Variants in IMMP2L observed in about 807,000 individuals in gnomAD.
IMMP2L encodes the protein inner mitochondrial membrane peptidase subunit 2, also known as mitochondrial inner membrane protease subunit 2.
In IMMP2L, 18 loss-of-function variants were observed where a neutral mutation model predicts 19.3. The observed-to-expected ratio is 0.93, with a 90% CI of 0.64 to 1.38. The LOEUF is 1.38. IMMP2L is among the 40% of genes most tolerant of loss of function. The probability of loss-of-function intolerance (pLI) is 0.00; values close to 1 mark genes in which losing one functional copy is unlikely to be tolerated. For synonymous variants in IMMP2L, 76 were observed against 73.0 expected (o/e 1.04, Z -0.21); for missense variants, 233 against 218.2 (o/e 1.07, Z -0.43).
intron 3 of IMMP2L, among the ~76,000 whole-genome samples, chr7:111,405,557 T>C (rs903889612): frequency 1.3e-5 from 2 of 152,114 alleles, no homozygotes; most frequent in Non-Finnish European, 2.9e-5. Context: ...GATTAGAGTA[T>C]TATCTGTTTG....
intron 3 of IMMP2L, among the ~76,000 whole-genome samples, chr7:111,242,232 G>C (rs750823317): frequency 2.6e-5 from 4 of 152,028 alleles, no homozygotes; most frequent in Non-Finnish European, 5.9e-5. Flanking sequence ...TGATCAGTCA[G>C]TTCAGTCATA....
At chr7:110,919,120 G>A (rs1213014044) in intron 4 of IMMP2L, among the ~76,000 whole-genome samples, 2 of 152,038 alleles carry the variant, frequency 1.3e-5, no homozygotes, top group Non-Finnish European at 2.9e-5. Flanking sequence ...ACCAATTCAG[G>A]GCCGCCTGAG....
intron 3 of IMMP2L, among the ~76,000 whole-genome samples, chr7:111,261,628 G>A (rs2129802916): frequency 6.6e-6 from 1 of 152,144 alleles, no homozygotes; most frequent in South Asian, 2.1e-4. Flanking sequence ...AGCAGACAGA[G>A]GTACTGGTTT....
At chr7:110,921,744 T>A (rs951906845) in intron 4 of IMMP2L, among the ~76,000 whole-genome samples, 1 of 152,188 alleles carries the variant, frequency 6.6e-6, no homozygotes, top group Non-Finnish European at 1.5e-5. Context: ...TGTGCTTAAC[T>A]ACCCATGGCA....
At chr7:110,853,232 G>T (rs1806425541) in intron 5 of IMMP2L, among the ~76,000 whole-genome samples, 1 of 151,770 alleles carries the variant, frequency 6.6e-6, no homozygotes, top group Admixed American at 6.6e-5. Flanking sequence ...GGCCAAAATG[G>T]TTTGTTCTGG....
rs528781105 is a variant in IMMP2L, at chr7:110,694,127, C to T, written c.409-30406G>A. Among the ~76,000 whole-genome samples the T allele has an allele frequency of 1.4e-3, 207 of 152,208 alleles. 1 individual carries two copies. Among genetic ancestry groups the T allele is most frequent in the Middle Eastern group, 3.4e-3 (1 of 294 alleles). ...CTTCCTGTGAAATAGACTTGTGAAACTCTGGGATACATAAGGATTAAGTCT... is the reference window on the plus strand; with the variant it reads ...CTTCCTGTGAAATAGACTTGTGAAATTCTGGGATACATAAGGATTAAGTCT... On this transcript the variant is annotated intron_variant, in intron 5 of 5. Coordinates refer to ENST00000405709, the MANE Select transcript of IMMP2L (RefSeq NM_032549.4).
intron 5 of IMMP2L, among the ~76,000 whole-genome samples, chr7:110,785,662 C>G (rs1279281058): frequency 6.6e-6 from 1 of 151,866 alleles, no homozygotes; most frequent in Non-Finnish European, 1.5e-5. Context: ...CTTGCATCAC[C>G]AATGAGAGGA....
chr7:111,125,113 T>A, intron 3 of IMMP2L: 1 of 451,278 alleles, frequency 2.2e-6, no homozygotes, highest in Non-Finnish European at 4.0e-6. Context: ...AGGGGTACTG[T>A]GGCAACCAAA....
At chr7:111,151,191 A>T (rs558173214) in intron 3 of IMMP2L, among the ~76,000 whole-genome samples, 2 of 152,340 alleles carry the variant, frequency 1.3e-5, no homozygotes, top group East Asian at 3.9e-4. Context: ...GCATTTGTTG[A>T]ACTTAAATAG....
At chr7:111,083,744 T>C (rs889350258) in intron 3 of IMMP2L, among the ~76,000 whole-genome samples, 3 of 152,200 alleles carry the variant, frequency 2.0e-5, no homozygotes, top group Non-Finnish European at 2.9e-5. Context: ...CAAGTTTCAG[T>C]GTCTTGCATC....
chr7:111,290,481 T>C (rs1202409735), intron 3 of IMMP2L, among the ~76,000 whole-genome samples: 1 of 152,012 alleles, frequency 6.6e-6, no homozygotes, highest in African/African-American at 2.4e-5. Flanking sequence ...TCTGTGTTTA[T>C]TTAAGCATGA....
At chr7:110,797,240 C>T (rs1800926868) in intron 5 of IMMP2L, among the ~76,000 whole-genome samples, 2 of 151,858 alleles carry the variant, frequency 1.3e-5, no homozygotes, top group African/African-American at 4.8e-5. Flanking sequence ...CCTTATTTCA[C>T]AAACTGAAAG....
chr7:110,811,168 G>C (rs1802008609), intron 5 of IMMP2L, among the ~76,000 whole-genome samples: 1 of 151,652 alleles, frequency 6.6e-6, no homozygotes, highest in Admixed American at 6.6e-5. Context: ...TTTTTTTATT[G>C]GTTTGACAGT....
chr7:111,090,530 C>A (rs906613714), intron 3 of IMMP2L, among the ~76,000 whole-genome samples: 2 of 151,038 alleles, frequency 1.3e-5, no homozygotes, highest in Admixed American at 6.6e-5. Flanking sequence ...CCCTCAAATG[C>A]CAATGTTGTG....
chr7:110,898,716 G>C (rs1380304444), intron 4 of IMMP2L, among the ~76,000 whole-genome samples: 1 of 151,550 alleles, frequency 6.6e-6, no homozygotes, highest in African/African-American at 2.4e-5. Flanking sequence ...ATACTGATGG[G>C]CTGAGTCTAC....
At chr7:111,409,049 A>G (rs888502130) in intron 3 of IMMP2L, among the ~76,000 whole-genome samples, 4 of 151,808 alleles carry the variant, frequency 2.6e-5, no homozygotes, top group African/African-American at 4.9e-5. Context: ...AGTGCTGACA[A>G]GCTTCTGTCA....
chr7:110,970,720 AG>A, intron 3 of IMMP2L, among the ~76,000 whole-genome samples: 1 of 152,228 alleles, frequency 6.6e-6, no homozygotes, highest in East Asian at 1.9e-4. Flanking sequence ...TGCACTCGGA[AG>A]CATTCTTTCC....
chr7:111,082,001 A>G (rs963418264), intron 3 of IMMP2L, among the ~76,000 whole-genome samples: 3 of 152,160 alleles, frequency 2.0e-5, no homozygotes, highest in African/African-American at 7.2e-5. Flanking sequence ...AGTCTCCTAG[A>G]AGCAGTGTTT....
intron 3 of IMMP2L, among the ~76,000 whole-genome samples, chr7:111,208,765 T>C (rs536184210): frequency 1.3e-5 from 2 of 152,312 alleles, no homozygotes; most frequent in African/African-American, 2.4e-5. Flanking sequence ...TGGGTCTTTA[T>C]AGAAAATGCT....
Sources: allele counts gnomAD v4.1 joint callset (sites outside exome capture counted in the v4.1 genomes callset), GRCh38; gene constraint gnomAD v4.1.1; transcripts MANE v1.5; gene names NCBI Gene and HGNC (gene_info 2026-07-23, HGNC 2026-07-21).